Variants in SLC39A9 observed in about 807,000 individuals in gnomAD.
SLC39A9 encodes zinc transporter ZIP9.
Under a neutral mutation model 28.4 loss-of-function variants are expected in SLC39A9, and 14 were observed. That is an observed-to-expected ratio of 0.49 (90% CI 0.33 to 0.77). The LOEUF (loss-of-function observed/expected upper bound fraction) is 0.77. Ranked by LOEUF, SLC39A9 falls within the 30% of genes least tolerant of loss-of-function variation. The pLI is 0.02. For synonymous variants in SLC39A9, 119 were observed against 149.6 expected (o/e 0.80, Z 1.49); for missense variants, 283 against 381.1 (o/e 0.74, Z 2.14).
In SLC39A9 at chr14:69,459,139, C is replaced by T; in HGVS notation, c.*546C>T. On this transcript the variant is annotated 3_prime_UTR_variant, in exon 7 of 7. Coordinates refer to ENST00000336643, the MANE Select transcript of SLC39A9 (RefSeq NM_018375.5). ...ATTCTAGTTAATCTGGGATTAGGGT[C>T]AGGAAAATGATAGCAAGACACATTG... 1.0e-6 allele frequency: 1 copy of T among 986,126 alleles called. No individual in the cohort carries two copies. Among genetic ancestry groups the T allele is most frequent in the Non-Finnish European group, 1.2e-6 (1 of 830,212 alleles). The allele number at this position is 986,126 out of a possible 1,614,324, so 61.1% of individuals were successfully genotyped here.
intron 1 of SLC39A9, among the ~76,000 whole-genome samples, chr14:69,422,740 A>G (rs1158154227): frequency 6.6e-6 from 1 of 152,072 alleles, no homozygotes; most frequent in Non-Finnish European, 1.5e-5. Flanking sequence ...ACACACCACC[A>G]CACCCAGCTA....
chr14:69,461,578 A>AAGAAAGGGAGTGGCTGTTT lies in SLC39A9; in HGVS notation c.*2986_*3004dup. On this transcript the variant is annotated 3_prime_UTR_variant, in exon 7 of 7. Coordinates refer to ENST00000336643, the MANE Select transcript of SLC39A9 (RefSeq NM_018375.5). ...TCTGGTATTTTGAATCATTAGAGAA[A>AAGAAAGGGAGTGGCTGTTT]AGAAAGGGAGTGGCTGTTTTGAGTT... 6.7e-7 allele frequency: 1 copy of AAGAAAGGGAGTGGCTGTTT among 1,501,636 alleles called. No homozygotes were observed. The highest frequency in any genetic ancestry group is 8.9e-7 in the Non-Finnish European group (1 of 1,129,448). The allele number at this position is 1,501,636 out of a possible 1,614,324, so 93.0% of individuals were successfully genotyped here.
At chr14:69,420,634 C>T (rs1002458675) in intron 1 of SLC39A9, among the ~76,000 whole-genome samples, 5 of 152,188 alleles carry the variant, frequency 3.3e-5, no homozygotes, top group Non-Finnish European at 5.9e-5. Context: ...TTCAGGTACA[C>T]CAATCAAACG....
At chr14:69,430,421 G>GA (rs1188769255) in intron 2 of SLC39A9, among the ~76,000 whole-genome samples, 4 of 151,070 alleles carry the variant, frequency 2.6e-5, no homozygotes, top group East Asian at 3.9e-4. Flanking sequence ...ACTATTTTTT[G>GA]AAAAAAAATC....
At chr14:69,453,800 T>G (rs140504744) in intron 4 of SLC39A9, among the ~76,000 whole-genome samples, 3 of 152,218 alleles carry the variant, frequency 2.0e-5, no homozygotes, top group Non-Finnish European at 2.9e-5. Flanking sequence ...GAGGAAGAGA[T>G]AGACAATGAC....
chr14:69,424,130 C>T lies in SLC39A9; in HGVS notation c.133C>T (p.Leu45Phe), dbSNP rs1884057792. The change falls in exon 2 of 7, where the codon CTT becomes TTT. Residue 45 changes from leucine to phenylalanine, a missense_variant. Leu to Phe is a conservative substitution (Grantham distance 22). Transcript: ENST00000336643. ...LKLVTVLGAG[L>F]LCGTALAVIV... ...GCTGGTGACTGTTTTGGGTGCTGGCCTTCTCTGTGGAACTGCTCTGGCAGT... is the reference window on the plus strand; with the variant it reads ...GCTGGTGACTGTTTTGGGTGCTGGCTTTCTCTGTGGAACTGCTCTGGCAGT... The T allele has an allele frequency of 1.2e-6, 2 of 1,613,812 alleles. No individual in the cohort carries two copies. Among genetic ancestry groups the T allele is most frequent in the East Asian group, 2.2e-5 (1 of 44,876 alleles).
At chr14:69,398,459 A>G (rs1237558811), upstream of SLC39A9, 11 of 611,796 alleles carry the variant, frequency 1.8e-5, no homozygotes, top group South Asian at 2.0e-4. Context: ...AGGTAAGGGA[A>G]AGTTTCCAAG....
rs573479750 is a variant in SLC39A9 at position 69,459,069 on chromosome 14, G to A, written c.*476G>A. 6.1e-5 allele frequency: 60 copies of A among 987,624 alleles called. No homozygotes were observed. In the African/African-American group the frequency reaches 8.4e-4, roughly 14 times the overall value. 61.2% of individuals were successfully genotyped at this position (987,624 alleles called of 1,614,324 possible). On this transcript the variant is annotated 3_prime_UTR_variant, in exon 7 of 7. Coordinates refer to ENST00000336643, the MANE Select transcript of SLC39A9 (RefSeq NM_018375.5). ...GTGCTTTAGCATCTATGCCACATGCGTTGATGGAAGGTCATAGCACCCACT... is the reference window on the plus strand; with the variant it reads ...GTGCTTTAGCATCTATGCCACATGCATTGATGGAAGGTCATAGCACCCACT...
At chr14:69,445,399 T>C (rs185812173) in intron 3 of SLC39A9, among the ~76,000 whole-genome samples, 2 of 152,374 alleles carry the variant, frequency 1.3e-5, no homozygotes, top group East Asian at 3.9e-4. Flanking sequence ...ATATTTTCTC[T>C]TTCTTATGAT....
At chr14:69,419,623 T>C (rs1345025175) in intron 1 of SLC39A9, among the ~76,000 whole-genome samples, 2 of 152,200 alleles carry the variant, frequency 1.3e-5, no homozygotes, top group Admixed American at 6.5e-5. Flanking sequence ...CCATTATTAT[T>C]GTGTGGAAGT....
At chr14:69,455,304 GT>G (rs1053215632) in intron 5 of SLC39A9, among the ~76,000 whole-genome samples, 2 of 151,620 alleles carry the variant, frequency 1.3e-5, no homozygotes, top group African/African-American at 2.4e-5. Flanking sequence ...TTGTTTTTTG[GT>G]TTTTTTTGTG....
At chr14:69,402,700 C>G (rs1004997294) in intron 1 of SLC39A9, among the ~76,000 whole-genome samples, 1 of 152,144 alleles carries the variant, frequency 6.6e-6, no homozygotes, top group Admixed American at 6.5e-5. Flanking sequence ...GAAAAAAAAT[C>G]CGATTCTCAA....
chr14:69,461,841 G>A lies in SLC39A9; in HGVS notation c.*3248G>A. The A allele has an allele frequency of 8.3e-7, 1 of 1,199,566 alleles. No individual in the cohort carries two copies. The highest frequency in any genetic ancestry group is 1.5e-5 in the African/African-American group (1 of 65,162). The allele number at this position is 1,199,566 out of a possible 1,614,324, so 74.3% of individuals were successfully genotyped here. On this transcript the variant is annotated 3_prime_UTR_variant, in exon 7 of 7. Coordinates refer to ENST00000336643, the MANE Select transcript of SLC39A9 (RefSeq NM_018375.5). ...GCCTTGTGGGCCCCTGAGCCCCTTG[G>A]GAGACTGAGAATCATGACCAGATTC...
intron 2 of SLC39A9, among the ~76,000 whole-genome samples, chr14:69,439,019 T>G (rs1016395220): frequency 6.6e-6 from 1 of 152,238 alleles, no homozygotes; most frequent in African/African-American, 2.4e-5. Context: ...TGAGATGATC[T>G]TATGCATAGA....
chr14:69,427,745 G>T (rs1295779603), intron 2 of SLC39A9, among the ~76,000 whole-genome samples: 2 of 152,198 alleles, frequency 1.3e-5, no homozygotes, highest in Non-Finnish European at 2.9e-5. Flanking sequence ...GGGAAAATGT[G>T]TATTATGGAA....
At chr14:69,420,825 C>T (rs1883844353) in intron 1 of SLC39A9, among the ~76,000 whole-genome samples, 2 of 152,110 alleles carry the variant, frequency 1.3e-5, no homozygotes, top group Admixed American at 1.3e-4. Context: ...GTTCTCATGC[C>T]ATGGTTTTCA....
At chr14:69,427,761 A>G (rs1279080546) in intron 2 of SLC39A9, among the ~76,000 whole-genome samples, 2 of 152,248 alleles carry the variant, frequency 1.3e-5, no homozygotes, top group Non-Finnish European at 1.5e-5. Context: ...TGGAAAAACT[A>G]TGCATGGATT....
intron 1 of SLC39A9, among the ~76,000 whole-genome samples, chr14:69,422,074 C>T (rs908041344): frequency 2.6e-5 from 4 of 152,150 alleles, no homozygotes; most frequent in African/African-American, 4.8e-5. Flanking sequence ...CAGAAATCAC[C>T]TGTCTTCTGC....
rs1314340616 is a variant in SLC39A9 at position 69,455,983 on chromosome 14, G to A, written c.693+117G>A. On this transcript the variant is annotated intron_variant, in intron 6 of 6. Coordinates refer to ENST00000336643, the MANE Select transcript of SLC39A9 (RefSeq NM_018375.5). Reference sequence around the variant, plus strand: ...TCTCTCAAACTAAAGATAAAATTAGGAGTAAAAACTATACAGGGTAAATAT... The same window carrying A: ...TCTCTCAAACTAAAGATAAAATTAGAAGTAAAAACTATACAGGGTAAATAT... 14 of 1,222,014 alleles carry A rather than the reference G, an allele frequency of 1.1e-5. No homozygotes were observed. The East Asian group carries it at 3.4e-4, about 30-fold the overall frequency. 75.7% of individuals were successfully genotyped at this position (1,222,014 alleles called of 1,614,324 possible). A position where few individuals can be genotyped will look rare whatever the true frequency, so the allele number is the denominator to read the frequency against.
Sources: allele counts gnomAD v4.1 joint callset (sites outside exome capture counted in the v4.1 genomes callset), GRCh38; gene constraint gnomAD v4.1.1; transcripts MANE v1.5; gene names NCBI Gene and HGNC (gene_info 2026-07-23, HGNC 2026-07-21).